The following EFNA2 variants were observed in gnomAD, a reference collection of about 807,000 sequenced individuals.
EFNA2 encodes ephrin A2.
In EFNA2, 18 loss-of-function variants were observed where a neutral mutation model predicts 19.7. The ratio of observed to expected loss-of-function variants is 0.91; its 90% confidence interval spans 0.63 to 1.35. The LOEUF is 1.35. Among genes scored for constraint, EFNA2 ranks in the 40% most tolerant of loss-of-function variants. EFNA2 has a pLI of 0.00. For missense variants in EFNA2, 303 were observed against 296.0 expected, an observed-to-expected ratio of 1.02 and a Z score of -0.17; for synonymous variants, 187 against 137.8, an observed-to-expected ratio of 1.36 and a Z score of -2.50.
Position 1,286,888 on chromosome 19 carries a change from C to T in EFNA2, c.140+580C>T, listed in dbSNP as rs570121876. Among the ~76,000 whole-genome samples, 18 of 152,184 alleles carry T rather than the reference C, an allele frequency of 1.2e-4. No individual in the cohort carries two copies. Among genetic ancestry groups the T allele is most frequent in the Non-Finnish European group, 2.4e-4 (16 of 68,032 alleles). On this transcript the variant is annotated intron_variant, in intron 1 of 3. Transcript: ENST00000215368. The surrounding 1 kb of genome is among the most constrained non-coding windows in gnomAD (Gnocchi z 5.6). ...CAGCTTTGAAAGGAGACTGAGGGGC[C>T]GGGGAGCTGGGGGTCAGCCCCGGGA... is the stretch of plus-strand genomic sequence containing the variant.
In EFNA2 at chr19:1,295,522, C is replaced by T. The variant is rs1200434348; in HGVS notation, c.141-23C>T. ...CCCGTTCCTCGCTCCGGGCGCTGAC[C>T]TCTGGCCGCCTTGTCCCCGCAGGTT... On this transcript the variant is annotated intron_variant, in intron 1 of 3. Transcript: ENST00000215368. The surrounding 1 kb of genome is among the most constrained non-coding windows in gnomAD (Gnocchi z 5.8). 1 of 1,549,106 alleles carries T rather than the reference C, an allele frequency of 6.5e-7. No homozygotes were observed. Among genetic ancestry groups the T allele is most frequent in the Non-Finnish European group, 8.7e-7 (1 of 1,150,360 alleles).
rs1225280034 is a variant in EFNA2 at position 1,286,466 on chromosome 19, G to GC, written c.140+164dup. 2.6e-5 allele frequency among the ~76,000 whole-genome samples: 4 copies of GC among 151,078 alleles called. No homozygotes were observed. The highest frequency in any genetic ancestry group is 3.9e-4 in the East Asian group (2 of 5,076). On this transcript the variant is annotated intron_variant, in intron 1 of 3. Coordinates refer to ENST00000215368, the MANE Select transcript of EFNA2 (RefSeq NM_001405.4). This position sits in a 1 kb window ranked among gnomAD's most constrained non-coding sequence, Gnocchi z 5.6. ...CGCGGGAGCCCCCCAGGGAGCTCCG[G>GC]CCCCCCGGAGTTTGGGGGACTCGCC... is the stretch of plus-strand genomic sequence containing the variant.
Position 1,294,339 on chromosome 19 carries a change from G to T in EFNA2, c.141-1206G>T, listed in dbSNP as rs2081504495. Among the ~76,000 whole-genome samples, 1 of 152,224 alleles carries T rather than the reference G, an allele frequency of 6.6e-6. No individual in the cohort carries two copies. Among genetic ancestry groups the T allele is most frequent in the Non-Finnish European group, 1.5e-5 (1 of 68,036 alleles). On this transcript the variant is annotated intron_variant, in intron 1 of 3. Coordinates refer to ENST00000215368, the MANE Select transcript of EFNA2 (RefSeq NM_001405.4). This position sits in a 1 kb window ranked among gnomAD's most constrained non-coding sequence, Gnocchi z 5.8. ...GGCAGTGAGGGAAGGGGAGCCGCCG[G>T]TCCCTTCCTCGGCTGATCTCTATCC...
intron 1 of EFNA2, among the ~76,000 whole-genome samples, chr19:1,292,747 C>T (rs116174947): frequency 0.011 from 1,739 of 152,254 alleles, 33 homozygotes; most frequent in African/African-American, 0.04. Flanking sequence ...TCTGAGCCGC[C>T]GCCAACGTGT....
At chr19:1,299,758 G>A (rs2081531628) in intron 3 of EFNA2, 66 bp from the exon 4 acceptor site, 3 of 1,517,486 alleles carry the variant, frequency 2.0e-6, no homozygotes, top group Admixed American at 4.0e-5. Flanking sequence ...CCTGAGGGCG[G>A]GCGGCACGTG....
At chr19:1,298,507 A>G (rs1236472266) in intron 2 of EFNA2, 44 bp from the exon 3 acceptor site, 1 of 1,604,468 alleles carries the variant, frequency 6.2e-7, no homozygotes, top group Non-Finnish European at 8.5e-7. Flanking sequence ...GGTCTCAGGC[A>G]CCAAGAGGCA....
chr19:1,293,947 CCT>C (rs1404333229), intron 1 of EFNA2, among the ~76,000 whole-genome samples: 1 of 152,236 alleles, frequency 6.6e-6, no homozygotes, highest in Non-Finnish European at 1.5e-5. Context: ...ATCCCACCAC[CCT>C]CTCTCTCGAG....
Position 1,286,239 on chromosome 19 carries a change from C to A in EFNA2, c.71C>A (p.Ala24Glu). Residue 24 changes from alanine (A) to glutamate (E), a missense_variant, in exon 1 of 4, where the codon GCG becomes GAG. By Grantham distance (107) the Ala-to-Glu change is moderately radical. Coordinates refer to ENST00000215368, the MANE Select transcript of EFNA2 (RefSeq NM_001405.4). The surrounding 1 kb of genome is among the most constrained non-coding windows in gnomAD (Gnocchi z 5.6). Reference sequence around the variant, plus strand: ...TTACCGCTGCCGCCGCCGCCCTTCGCGCGCGCCGAGGACGCCGCCCGCGCC... The same window carrying A: ...TTACCGCTGCCGCCGCCGCCCTTCGAGCGCGCCGAGGACGCCGCCCGCGCC... ...LLLPLPPPPF[A>E]RAEDAARANS... is the part of the protein sequence containing the mutation. 1.8e-6 allele frequency: 2 copies of A among 1,128,978 alleles called. No individual in the cohort carries two copies. Among genetic ancestry groups the A allele is most frequent in the Non-Finnish European group, 2.2e-6 (2 of 907,404 alleles). 69.9% of individuals were successfully genotyped at this position (1,128,978 alleles called of 1,614,324 possible).
rs2081510213 is a variant in EFNA2, at chr19:1,295,569, C to T, written c.165C>T (p.Asp55=). The change falls in exon 2 of 4, where the codon GAC becomes GAT. Residue 55 remains aspartate (D), a synonymous_variant. Coordinates refer to ENST00000215368, the MANE Select transcript of EFNA2 (RefSeq NM_001405.4). The surrounding 1 kb of genome is among the most constrained non-coding windows in gnomAD (Gnocchi z 5.8). ...GGTTCCACGCAGGCGCGGGGGACGA[C>T]GGCGGGGGCTACACGGTGGAGGTGA... The part of the protein sequence containing the change: ...NPRFHAGAGD[D]GGGYTVEVSI... The T allele has an allele frequency of 1.3e-6, 2 of 1,596,826 alleles. No individual in the cohort carries two copies. Among genetic ancestry groups the T allele is most frequent in the Non-Finnish European group, 1.7e-6 (2 of 1,171,112 alleles).
chr19:1,289,296 G>A (rs1165719892), intron 1 of EFNA2, among the ~76,000 whole-genome samples: 1 of 152,218 alleles, frequency 6.6e-6, no homozygotes, highest in African/African-American at 2.4e-5. Flanking sequence ...GTCCCTGTGC[G>A]TGTCTGCCTG....
At position 1,287,611 on chromosome 19, in the gene EFNA2, C is replaced by T. The variant is rs115994343; in HGVS notation, c.140+1303C>T. On this transcript the variant is annotated intron_variant, in intron 1 of 3. Transcript: ENST00000215368. The surrounding 1 kb of genome is among the most constrained non-coding windows in gnomAD (Gnocchi z 6.2). ...GGGGAACACGCACAGGCCCACCCCC[C>T]ACCCTGGTCAACGGCCTCGGGTCGG... Among the ~76,000 whole-genome samples, 1 of 152,088 alleles carries T rather than the reference C, an allele frequency of 6.6e-6. No individual in the cohort carries two copies. Among genetic ancestry groups the T allele is most frequent in the South Asian group, 2.1e-4 (1 of 4,828 alleles).
In EFNA2 at chr19:1,297,430, G is replaced by A. The variant is rs1162130512; in HGVS notation, c.455-1121G>A. Among the ~76,000 whole-genome samples the A allele has an allele frequency of 6.6e-6, 1 of 152,042 alleles. No individual in the cohort carries two copies. Among genetic ancestry groups the A allele is most frequent in the Admixed American group, 6.6e-5 (1 of 15,266 alleles). ...ATAAAGATAATTATTGTAATTATTC[G>A]TCCTACCTCTGTGATGAATGTTATT... On this transcript the variant is annotated intron_variant, in intron 2 of 3. Transcript: ENST00000215368. This position sits in a 1 kb window ranked among gnomAD's most constrained non-coding sequence, Gnocchi z 5.0.
In EFNA2 at chr19:1,296,097, A is replaced by G. The variant is rs2081514227; in HGVS notation, c.454+239A>G. Among the ~76,000 whole-genome samples the G allele has an allele frequency of 6.6e-6, 1 of 152,202 alleles. No individual in the cohort carries two copies. The highest frequency in any genetic ancestry group is 6.5e-5 in the Admixed American group (1 of 15,290). Reference sequence around the variant, plus strand: ...TGCTGGCCACTGACCCACCCCGGTCACTGACCCCCTCCAGATGTCAAGTGC... The same window carrying G: ...TGCTGGCCACTGACCCACCCCGGTCGCTGACCCCCTCCAGATGTCAAGTGC... On this transcript the variant is annotated intron_variant, in intron 2 of 3. Coordinates refer to ENST00000215368, the MANE Select transcript of EFNA2 (RefSeq NM_001405.4). The surrounding 1 kb of genome is among the most constrained non-coding windows in gnomAD (Gnocchi z 4.4).
Position 1,290,307 on chromosome 19 carries a change from C to G in EFNA2, c.140+3999C>G, listed in dbSNP as rs558184985. ...ACGGTCTCTTTGGGTCTCTGTCTTC[C>G]CCATCTCTGGGCATCCTGGGGTGCC... is the stretch of plus-strand genomic sequence containing the variant. On this transcript the variant is annotated intron_variant, in intron 1 of 3. Coordinates refer to ENST00000215368, the MANE Select transcript of EFNA2 (RefSeq NM_001405.4). Among the ~76,000 whole-genome samples the G allele has an allele frequency of 1.7e-4, 26 of 152,274 alleles. No individual in the cohort carries two copies. In the South Asian group the frequency reaches 5.4e-3, roughly 32 times the overall value.
At position 1,294,373 on chromosome 19, in the gene EFNA2, G is replaced by A. The variant is rs1450247416; in HGVS notation, c.141-1172G>A. ...TCGGCTGATCTCTATCCTCACAGAC[G>A]AGGCTGGGTCAGGGGGCTCCCTGGA... On this transcript the variant is annotated intron_variant, in intron 1 of 3. Transcript: ENST00000215368. This position sits in a 1 kb window ranked among gnomAD's most constrained non-coding sequence, Gnocchi z 5.8. Among the ~76,000 whole-genome samples the A allele has an allele frequency of 6.6e-6, 1 of 152,310 alleles. No individual in the cohort carries two copies. Among genetic ancestry groups the A allele is most frequent in the Non-Finnish European group, 1.5e-5 (1 of 68,028 alleles).
intron 1 of EFNA2, among the ~76,000 whole-genome samples, chr19:1,291,838 CG>C (rs1208817549): frequency 1.1e-4 from 17 of 151,870 alleles, no homozygotes; most frequent in Middle Eastern, 7.0e-3. Flanking sequence ...CCAGGAGGCC[CG>C]GGTGGGCAGG....
intron 3 of EFNA2, among the ~76,000 whole-genome samples, chr19:1,299,445 AT>A (rs902149751): frequency 5.9e-5 from 9 of 151,334 alleles, no homozygotes; most frequent in Non-Finnish European, 1.2e-4. Flanking sequence ...AGTCCCAGCT[AT>A]TTGGGAGGCT....
rs1015084495 is a variant in EFNA2, at chr19:1,299,972, G to A, written c.*27G>A. 6.4e-7 allele frequency: 1 copy of A among 1,571,974 alleles called. No homozygotes were observed. The highest frequency in any genetic ancestry group is 8.6e-7 in the Non-Finnish European group (1 of 1,164,188). ...CCCAGCCCCGCAGGACGCCGACCCTGCCTGGACGGCCCCGCCTGGACCGCC... is the reference window on the plus strand; with the variant it reads ...CCCAGCCCCGCAGGACGCCGACCCTACCTGGACGGCCCCGCCTGGACCGCC... On this transcript the variant is annotated 3_prime_UTR_variant, in exon 4 of 4. Coordinates refer to ENST00000215368, the MANE Select transcript of EFNA2 (RefSeq NM_001405.4).
chr19:1,284,667 G>A (rs772874404), upstream of EFNA2, among the ~76,000 whole-genome samples: 2 of 152,150 alleles, frequency 1.3e-5, no homozygotes, highest in Non-Finnish European at 1.5e-5. The surrounding 1 kb of genome is among the most constrained non-coding windows in gnomAD (Gnocchi z 5.3). Flanking sequence ...TGGTGGGTCC[G>A]GTCCCCACCC....
Sources: allele counts gnomAD v4.1 joint callset (sites outside exome capture counted in the v4.1 genomes callset), GRCh38; gene constraint gnomAD v4.1.1; non-coding constraint Gnocchi (gnomAD v3.1); transcripts MANE v1.5; gene names NCBI Gene and HGNC (gene_info 2026-07-23, HGNC 2026-07-21).